RNF111: variants seen among roughly 807,000 people sequenced by gnomAD.
RNF111 encodes E3 ubiquitin-protein ligase Arkadia.
In RNF111, 17 loss-of-function variants were observed where a neutral mutation model predicts 95.1. The ratio of observed to expected loss-of-function variants is 0.18; its 90% confidence interval spans 0.12 to 0.27. The LOEUF is 0.27. RNF111 is among the 10% of genes least tolerant of loss of function. RNF111 has a pLI of 1.00. For synonymous variants in RNF111, 440 were observed against 414.8 expected (o/e 1.06, Z -0.74); for missense variants, 1,189 against 1,210.4 (o/e 0.98, Z 0.26).
At chr15:59,026,417 C>T (rs1298981828) in intron 1 of RNF111, among the ~76,000 whole-genome samples, 2 of 152,144 alleles carry the variant, frequency 1.3e-5, no homozygotes, top group African/African-American at 2.4e-5. Flanking sequence ...TTGGATCGAT[C>T]TACACAAAGA....
chr15:59,089,419 A>G (rs769112956), intron 10 of RNF111, among the ~76,000 whole-genome samples: 23 of 152,038 alleles, frequency 1.5e-4, no homozygotes, highest in Non-Finnish European at 2.9e-4. Context: ...AGACAATTTT[A>G]CTCTTTTCAA....
chr15:59,051,094 C>T (rs1291687645), intron 2 of RNF111, among the ~76,000 whole-genome samples: 1 of 152,072 alleles, frequency 6.6e-6, no homozygotes, highest in Non-Finnish European at 1.5e-5. Flanking sequence ...AATACTTATC[C>T]ATCTTCTAAA....
intron 13 of RNF111, among the ~76,000 whole-genome samples, chr15:59,094,029 T>G (rs1435875330): frequency 1.3e-5 from 2 of 152,216 alleles, no homozygotes; most frequent in African/African-American, 4.8e-5. Flanking sequence ...TCAGTAACTT[T>G]TATTCCACTG....
chr15:59,011,203 C>A (rs1161604345), intron 1 of RNF111, among the ~76,000 whole-genome samples: 1 of 152,140 alleles, frequency 6.6e-6, no homozygotes, highest in African/African-American at 2.4e-5. Context: ...CTGTCTTATC[C>A]TTCCTGGAAA....
chr15:59,066,623 C>T (rs1340134138), intron 5 of RNF111, 141 bp from the exon 6 acceptor site: 21 of 713,800 alleles, frequency 2.9e-5, no homozygotes, highest in Non-Finnish European at 3.4e-5. Context: ...AAAAAAAGAA[C>T]GTGGCACTAT....
At chr15:59,016,187 T>C (rs1341178971) in intron 1 of RNF111, among the ~76,000 whole-genome samples, 1 of 150,672 alleles carries the variant, frequency 6.6e-6, no homozygotes, top group Non-Finnish European at 1.5e-5. Flanking sequence ...TTTTTTTTTT[T>C]AGAGATAGAG....
chr15:59,068,479 G>A lies in RNF111; in HGVS notation c.1686+1396G>A, dbSNP rs555223216. On this transcript the variant is annotated intron_variant, in intron 6 of 13. Coordinates refer to ENST00000348370, the MANE Select transcript of RNF111 (RefSeq NM_017610.8). ...AAATTAGCTGGGTGTGATGGTGTGT[G>A]CCTGTAGTCCCAGCTACTCGGGAGG... Among the ~76,000 whole-genome samples the A allele has an allele frequency of 9.9e-5, 15 of 151,536 alleles. No homozygotes were observed. In the East Asian group the frequency reaches 3.0e-3, roughly 30 times the overall value.
At chr15:59,049,557 GT>G in intron 2 of RNF111, 1 of 167,498 alleles carries the variant, frequency 6.0e-6, no homozygotes, top group Admixed American at 6.0e-5. Flanking sequence ...TCCTTCATGT[GT>G]TTTGGGAAGC....
intron 1 of RNF111, among the ~76,000 whole-genome samples, chr15:59,007,267 AT>A (rs796816598): frequency 4.6e-3 from 656 of 143,146 alleles, no homozygotes; most frequent in Middle Eastern, 0.015. Flanking sequence ...CCAATGTTCA[AT>A]TTTTTTTTTT....
At chr15:59,094,516 C>T (rs1216346452) in intron 13 of RNF111, among the ~76,000 whole-genome samples, 1 of 152,136 alleles carries the variant, frequency 6.6e-6, no homozygotes, top group Non-Finnish European at 1.5e-5. Flanking sequence ...TGTACCAAAA[C>T]AAAACTGGAA....
chr15:59,044,680 G>A (rs768684597), intron 2 of RNF111, among the ~76,000 whole-genome samples: 46 of 151,716 alleles, frequency 3.0e-4, no homozygotes, highest in Non-Finnish European at 5.4e-4. Context: ...AGCCATACTC[G>A]TTTTTTATCC....
Position 59,095,328 on chromosome 15 carries a change from G to A in RNF111, c.*428G>A, listed in dbSNP as rs537900610. 1.5e-4 allele frequency: 26 copies of A among 171,942 alleles called. No homozygotes were observed. Among genetic ancestry groups the A allele is most frequent in the Non-Finnish European group, 2.3e-4 (19 of 81,514 alleles). 10.7% of individuals were successfully genotyped at this position (171,942 alleles called of 1,614,324 possible). ...TTAATTTAATCAATCATGTACTTTA[G>A]TTTAATGTATAAAGATCCTCTAGAA... On this transcript the variant is annotated 3_prime_UTR_variant, in exon 14 of 14. Coordinates refer to ENST00000348370, the MANE Select transcript of RNF111 (RefSeq NM_017610.8).
intron 2 of RNF111, among the ~76,000 whole-genome samples, chr15:59,039,028 G>T (rs1437797553): frequency 6.6e-6 from 1 of 152,046 alleles, no homozygotes; most frequent in Non-Finnish European, 1.5e-5. Flanking sequence ...GCAATGACAC[G>T]ATCTCAGCTC....
In RNF111 at chr15:59,055,694, C is replaced by A. The variant is rs776369709; in HGVS notation, c.1020C>A (p.Thr340=). The A allele has an allele frequency of 2.2e-5, 36 of 1,612,510 alleles. No homozygotes were observed. The African/African-American group carries it at 2.9e-4, about 13-fold the overall frequency. ...TVGESYRSRS[T]LGHSRSHWSQ... ...GATGTCATTTAAGGTCTCGTTCAAC[C>A]CTTGGACACTCCAGATCTCATTGGA... Residue 340 remains threonine (T), a synonymous_variant, in exon 4 of 14, where the codon ACC becomes ACA. Coordinates refer to ENST00000348370, the MANE Select transcript of RNF111 (RefSeq NM_017610.8).
intron 2 of RNF111, chr15:59,049,781 T>C (rs1317669456): frequency 7.3e-6 from 1 of 136,896 alleles, no homozygotes; most frequent in Non-Finnish European, 1.5e-5. Flanking sequence ...GGGGTCTCGC[T>C]CCGTCACCCA....
At chr15:58,993,658 G>C (rs1168746658) in intron 1 of RNF111, among the ~76,000 whole-genome samples, 1 of 152,226 alleles carries the variant, frequency 6.6e-6, no homozygotes, top group African/African-American at 2.4e-5. Context: ...ACAAACAGGA[G>C]TGTTGTATTT....
chr15:59,035,382 T>A (rs1367646765), intron 2 of RNF111, among the ~76,000 whole-genome samples: 1 of 152,076 alleles, frequency 6.6e-6, no homozygotes, highest in Non-Finnish European at 1.5e-5. Context: ...AAGTCCACAG[T>A]CCAAAGTCTC....
rs2078831828 is a variant in RNF111, at chr15:59,084,210, G to A, written c.2379G>A (p.Gln793=). ...ATGGGCATCATATTCATGTGCCTCA[G>A]ACTATGTCCTCACATCCTCGACAGG... The part of the protein sequence containing the change: ...YGHGHHIHVP[Q]TMSSHPRQAP... Residue 793 remains glutamine (Q), a synonymous_variant, in exon 9 of 14, where the codon CAG becomes CAA. Coordinates refer to ENST00000348370, the MANE Select transcript of RNF111 (RefSeq NM_017610.8). 1 of 1,599,134 alleles carries A rather than the reference G, an allele frequency of 6.3e-7. No individual in the cohort carries two copies. The highest frequency in any genetic ancestry group is 1.4e-5 in the African/African-American group (1 of 73,914).
chr15:59,002,565 A>G (rs2039369475), intron 1 of RNF111, among the ~76,000 whole-genome samples: 1 of 152,186 alleles, frequency 6.6e-6, no homozygotes, highest in Non-Finnish European at 1.5e-5. Flanking sequence ...TAAAAAAAAA[A>G]AAAGAGAGAG....
Sources: gnomAD v4.1 joint callset for allele counts (sites outside exome capture counted in the v4.1 genomes callset) on GRCh38, gnomAD v4.1.1 for gene constraint, MANE v1.5 for transcripts, NCBI Gene and HGNC (gene_info 2026-07-23, HGNC 2026-07-21) for gene names.